Variants in CADPS observed in about 807,000 individuals in gnomAD.
The protein encoded by CADPS is calcium dependent secretion activator.
A neutral mutation model predicts 167.3 loss-of-function variants in CADPS; 57 were observed. That is an observed-to-expected ratio of 0.34 (90% CI 0.28 to 0.42). The LOEUF (loss-of-function observed/expected upper bound fraction) is 0.42, where lower values mean the gene tolerates loss of function less well. Ranked by LOEUF, CADPS falls within the 20% of genes least tolerant of loss-of-function variation. The probability of loss-of-function intolerance (pLI) is 1.00; values close to 1 mark genes in which losing one functional copy is unlikely to be tolerated. For missense variants in CADPS, 1,414 were observed against 1,738.1 expected (o/e 0.81, Z 3.32); for synonymous variants, 676 against 635.3 (o/e 1.06, Z -0.96).
At chr3:62,616,443 A>G (rs1375019772) in intron 6 of CADPS, among the ~76,000 whole-genome samples, 3 of 146,550 alleles carry the variant, frequency 2.0e-5, no homozygotes, top group Admixed American at 1.4e-4. Flanking sequence ...AATCAGATAC[A>G]TGACACAATG....
intron 1 of CADPS, among the ~76,000 whole-genome samples, chr3:62,810,702 A>G (rs1395660150): frequency 6.6e-6 from 1 of 152,236 alleles, no homozygotes; most frequent in Non-Finnish European, 1.5e-5. Flanking sequence ...GCTGTATCCT[A>G]AAACCATAGC....
chr3:62,787,250 G>A (rs1216666406), intron 1 of CADPS, among the ~76,000 whole-genome samples: 2 of 151,728 alleles, frequency 1.3e-5, no homozygotes, highest in South Asian at 2.1e-4. Context: ...AGCCAAGATC[G>A]CACCACTGCA....
chr3:62,531,970 G>C (rs760536784), intron 13 of CADPS, among the ~76,000 whole-genome samples: 11 of 152,166 alleles, frequency 7.2e-5, no homozygotes, highest in Non-Finnish European at 1.2e-4. Flanking sequence ...TTCTGGGCTT[G>C]TATATAAAAC....
intron 6 of CADPS, among the ~76,000 whole-genome samples, chr3:62,634,188 C>T (rs2065827523): frequency 6.6e-6 from 1 of 152,184 alleles, no homozygotes; most frequent in Admixed American, 6.5e-5. Context: ...AGAGAAATTA[C>T]CGTTATGATA....
chr3:62,414,883 C>T (rs1323661116), intron 28 of CADPS, among the ~76,000 whole-genome samples: 1 of 152,152 alleles, frequency 6.6e-6, no homozygotes, highest in Non-Finnish European at 1.5e-5. Flanking sequence ...GTTCCCAACC[C>T]CCCCAAACCC....
chr3:62,546,449 T>G lies in CADPS; in HGVS notation c.1966+3454A>C, dbSNP rs144564690. Reference sequence around the variant, plus strand: ...TATGAATCAACACTGTGGGTTTGACTGAGTTACCCATGTGTAAGGCTTGAT... The same window carrying G: ...TATGAATCAACACTGTGGGTTTGACGGAGTTACCCATGTGTAAGGCTTGAT... On this transcript the variant is annotated intron_variant, in intron 11 of 29. Coordinates refer to ENST00000383710, the MANE Select transcript of CADPS (RefSeq NM_003716.4). Among the ~76,000 whole-genome samples, 484 of 152,236 alleles carry G rather than the reference T, an allele frequency of 3.2e-3. 6 individuals are homozygous for G. The East Asian group carries it at 0.037, about 12-fold the overall frequency.
intron 13 of CADPS, among the ~76,000 whole-genome samples, chr3:62,528,350 C>G (rs547413373): frequency 6.6e-6 from 1 of 152,098 alleles, no homozygotes; most frequent in South Asian, 2.1e-4. Context: ...AGGGTAATAA[C>G]GATATTTATC....
chr3:62,756,057 C>CT (rs59705571), intron 2 of CADPS, among the ~76,000 whole-genome samples: 32,056 of 142,002 alleles, frequency 0.23, 3,773 homozygotes, highest in Middle Eastern at 0.32. Context: ...TTTTCTTTTT[C>CT]TTTTTTTTTT....
intron 10 of CADPS, among the ~76,000 whole-genome samples, chr3:62,550,554 CT>C (rs1216594380): frequency 1.3e-5 from 2 of 152,154 alleles, no homozygotes; most frequent in Non-Finnish European, 2.9e-5. Context: ...TACGAACCCC[CT>C]GGGCATGTTG....
In CADPS at chr3:62,874,227, G is replaced by T. The variant is rs2083218831; in HGVS notation, c.441+362C>A. Among the ~76,000 whole-genome samples the T allele has an allele frequency of 6.6e-6, 1 of 152,160 alleles. No individual in the cohort carries two copies. The highest frequency in any genetic ancestry group is 2.4e-5 in the African/African-American group (1 of 41,454). On this transcript the variant is annotated intron_variant, in intron 1 of 29. Coordinates refer to ENST00000383710, the MANE Select transcript of CADPS (RefSeq NM_003716.4). The surrounding 1 kb of genome is among the most constrained non-coding windows in gnomAD (Gnocchi z 7.1). ...GCCGCTGGAGAGCGCTGGGAGCCCT[G>T]CAAGCGAGCAAGGCCTCTCTGGGCG...
At chr3:62,599,027 C>G (rs1161788885) in intron 6 of CADPS, among the ~76,000 whole-genome samples, 1 of 152,134 alleles carries the variant, frequency 6.6e-6, no homozygotes, top group African/African-American at 2.4e-5. Flanking sequence ...AAAAATGAAT[C>G]TATTTTGTTC....
intron 8 of CADPS, among the ~76,000 whole-genome samples, chr3:62,576,789 A>T (rs9830941): frequency 0.21 from 3,388 of 16,148 alleles, 283 homozygotes; most frequent in South Asian, 0.32. Context: ...GACTCTGTCT[A>T]AAAAAAAAAA....
intron 1 of CADPS, among the ~76,000 whole-genome samples, chr3:62,785,730 C>A (rs902614749): frequency 6.6e-6 from 1 of 152,112 alleles, no homozygotes; most frequent in Admixed American, 6.6e-5. Context: ...TCAAATCTCT[C>A]AAGATCAGCC....
At chr3:62,853,277 C>T (rs1227572893) in intron 1 of CADPS, among the ~76,000 whole-genome samples, 1 of 152,142 alleles carries the variant, frequency 6.6e-6, no homozygotes, top group Non-Finnish European at 1.5e-5. Context: ...TATTTAATCA[C>T]ATTGTTTTCA....
intron 26 of CADPS, among the ~76,000 whole-genome samples, chr3:62,454,181 T>C (rs2058412603): frequency 6.6e-6 from 1 of 152,252 alleles, no homozygotes; most frequent in Non-Finnish European, 1.5e-5. Flanking sequence ...AAGAGAATAC[T>C]GACCAAGTCT....
At chr3:62,806,889 C>T (rs1180214667) in intron 1 of CADPS, among the ~76,000 whole-genome samples, 4 of 152,188 alleles carry the variant, frequency 2.6e-5, no homozygotes, top group Admixed American at 2.6e-4. Context: ...ATCTGCAACT[C>T]TTCCTGAATA....
chr3:62,808,133 A>T (rs927357348), intron 1 of CADPS, among the ~76,000 whole-genome samples: 10 of 152,076 alleles, frequency 6.6e-5, no homozygotes, highest in Non-Finnish European at 1.5e-4. Flanking sequence ...TCAGCCTCCC[A>T]AAGTGCTGGG....
intron 21 of CADPS, among the ~76,000 whole-genome samples, chr3:62,488,393 G>A (rs1019591705): frequency 1.3e-5 from 2 of 152,246 alleles, no homozygotes; most frequent in African/African-American, 2.4e-5. Flanking sequence ...AAGCTGCCCC[G>A]TGGCATCCAC....
At position 62,856,059 on chromosome 3, in the gene CADPS, CAACAGA is replaced by C. The variant is rs900096489; in HGVS notation, c.441+18524_441+18529del. ...ATATTTAATTATGGAATTTCAGTAA[CAACAGA>C]AACAGAAACTAGCTGGAACACACTT... On this transcript the variant is annotated intron_variant, in intron 1 of 29. Coordinates refer to ENST00000383710, the MANE Select transcript of CADPS (RefSeq NM_003716.4). Among the ~76,000 whole-genome samples, 46 of 151,972 alleles carry C rather than the reference CAACAGA, an allele frequency of 3.0e-4. 1 individual carries two copies. The highest frequency in any genetic ancestry group is 9.7e-4 in the African/African-American group (40 of 41,414).
Sources: gnomAD v4.1 joint callset for allele counts (sites outside exome capture counted in the v4.1 genomes callset) on GRCh38, gnomAD v4.1.1 for gene constraint, Gnocchi (gnomAD v3.1) non-coding constraint, MANE v1.5 for transcripts, NCBI Gene and HGNC (gene_info 2026-07-23, HGNC 2026-07-21) for gene names.